The following RBFOX1 variants were observed in gnomAD, a reference collection of about 807,000 sequenced individuals.
RBFOX1 encodes the protein RNA binding fox-1 homolog 1, also known as RNA binding protein fox-1 homolog 1.
Under a neutral mutation model 57.7 loss-of-function variants are expected in RBFOX1, and 8 were observed. The observed-to-expected ratio is 0.14, with a 90% CI of 0.08 to 0.25. The LOEUF (loss-of-function observed/expected upper bound fraction) is 0.25. RBFOX1 is among the 10% of genes least tolerant of loss of function. The probability of loss-of-function intolerance (pLI) is 1.00; values close to 1 mark genes in which losing one functional copy is unlikely to be tolerated. For missense variants in RBFOX1, 611 were observed against 548.5 expected, an observed-to-expected ratio of 1.11 and a Z score of -1.14; for synonymous variants, 326 against 222.4, an observed-to-expected ratio of 1.47 and a Z score of -4.15.
At chr16:5,570,769 G>A (rs2046254138) in intron 2 of RBFOX1, among the ~76,000 whole-genome samples, 1 of 150,796 alleles carries the variant, frequency 6.6e-6, no homozygotes, top group African/African-American at 2.4e-5. Flanking sequence ...GAACCCGGGA[G>A]ATCGAGGTTG....
intron 3 of RBFOX1, among the ~76,000 whole-genome samples, chr16:6,699,534 G>T (rs993796935): frequency 2.0e-5 from 3 of 152,178 alleles, no homozygotes; most frequent in Non-Finnish European, 4.4e-5. Context: ...AACGCTGACT[G>T]GTTGGGCACT....
rs79457428 is a variant in RBFOX1 at position 6,725,963 on chromosome 16, T to G, written c.-16+71313T>G. On this transcript the variant is annotated intron_variant, in intron 3 of 15. Transcript: ENST00000550418. ...GAGGGAAACCAGGAAATCTATTTTT[T>G]ATGTTAAATAATAACACTGGCCCTT... is the stretch of plus-strand genomic sequence containing the variant. 3.5e-3 allele frequency among the ~76,000 whole-genome samples: 527 copies of G among 152,314 alleles called. 10 individuals carry two copies. In the East Asian group the frequency reaches 0.057, roughly 16 times the overall value.
chr16:7,393,255 G>T (rs1182063755), intron 4 of RBFOX1, among the ~76,000 whole-genome samples: 1 of 152,144 alleles, frequency 6.6e-6, no homozygotes, highest in South Asian at 2.1e-4. Flanking sequence ...AAGAGCTATG[G>T]CCCATGCAGG....
chr16:5,985,574 G>C (rs1166223358), intron 4 of RBFOX1, among the ~76,000 whole-genome samples: 1 of 152,196 alleles, frequency 6.6e-6, no homozygotes, highest in Non-Finnish European at 1.5e-5. Flanking sequence ...CAGGCAGCCA[G>C]CTCCAAGGCT....
At chr16:5,432,606 A>C (rs2067786368) in intron 1 of RBFOX1, among the ~76,000 whole-genome samples, 1 of 140,924 alleles carries the variant, frequency 7.1e-6, no homozygotes, top group South Asian at 2.2e-4. Flanking sequence ...TCTAGCAAAA[A>C]TAAATGGGTA....
At chr16:6,278,352 A>G (rs2076042027) in intron 1 of RBFOX1, among the ~76,000 whole-genome samples, 1 of 115,004 alleles carries the variant, frequency 8.7e-6, no homozygotes. Flanking sequence ...TTTCGTCTCC[A>G]ACTGGGGGAA....
At chr16:7,368,114 A>G (rs937675704) in intron 4 of RBFOX1, among the ~76,000 whole-genome samples, 1 of 152,044 alleles carries the variant, frequency 6.6e-6, no homozygotes, top group Admixed American at 6.5e-5. Context: ...TAAAAATACT[A>G]AAATTAGGTG....
chr16:7,506,482 C>A (rs1207829257), intron 4 of RBFOX1, among the ~76,000 whole-genome samples: 1 of 152,032 alleles, frequency 6.6e-6, no homozygotes, highest in Non-Finnish European at 1.5e-5. Context: ...ATGCTTGGTG[C>A]TTAGAACAAT....
intron 3 of RBFOX1, among the ~76,000 whole-genome samples, chr16:5,680,467 CT>C (rs2050298545): frequency 6.6e-6 from 1 of 152,194 alleles, no homozygotes; most frequent in African/African-American, 2.4e-5. Context: ...TGCTCTTCCT[CT>C]TTAAAGACTG....
intron 3 of RBFOX1, among the ~76,000 whole-genome samples, chr16:6,718,264 C>G (rs992912047): frequency 6.6e-6 from 1 of 152,158 alleles, no homozygotes; most frequent in African/African-American, 2.4e-5. Context: ...TATGTTGGCA[C>G]TATTCCACGT....
intron 2 of RBFOX1, among the ~76,000 whole-genome samples, chr16:6,396,354 G>T (rs1190470332): frequency 6.6e-6 from 1 of 152,106 alleles, no homozygotes; most frequent in East Asian, 1.9e-4. Flanking sequence ...ACGAGACTCA[G>T]GAAGGCTACA....
intron 2 of RBFOX1, among the ~76,000 whole-genome samples, chr16:6,651,149 G>A (rs933622943): frequency 2.0e-5 from 3 of 152,212 alleles, no homozygotes; most frequent in East Asian, 1.9e-4. Context: ...TGATCCACCC[G>A]CCTCAGTCTC....
At chr16:6,360,938 T>C (rs913237980) in intron 2 of RBFOX1, among the ~76,000 whole-genome samples, 5 of 150,174 alleles carry the variant, frequency 3.3e-5, no homozygotes, top group Non-Finnish European at 5.9e-5. Flanking sequence ...GGGGTGGTCC[T>C]TTCACATCTT....
intron 4 of RBFOX1, among the ~76,000 whole-genome samples, chr16:5,979,412 G>A (rs1175186361): frequency 2.0e-5 from 3 of 152,214 alleles, no homozygotes; most frequent in Non-Finnish European, 1.5e-5. Flanking sequence ...TATCTCAAGA[G>A]AGGAAACATT....
chr16:7,352,926 C>T (rs977907123), intron 4 of RBFOX1, among the ~76,000 whole-genome samples: 12 of 152,142 alleles, frequency 7.9e-5, no homozygotes, highest in South Asian at 2.1e-4. Context: ...ATGTTGCCTA[C>T]GCTGGTATCG....
chr16:5,282,113 A>G (rs1352227911), intron 1 of RBFOX1, among the ~76,000 whole-genome samples: 1 of 152,096 alleles, frequency 6.6e-6, no homozygotes, highest in African/African-American at 2.4e-5. Context: ...TTGATAGTGA[A>G]TCAGTCTCAT....
chr16:6,657,493 C>T (rs17140849), intron 3 of RBFOX1, among the ~76,000 whole-genome samples: 2,362 of 152,110 alleles, frequency 0.016, 66 homozygotes, highest in African/African-American at 0.053. Context: ...CACAGGGAGC[C>T]ATTGGCTGTG....
chr16:7,315,437 T>G (rs1426545151), intron 4 of RBFOX1, among the ~76,000 whole-genome samples: 1 of 143,926 alleles, frequency 6.9e-6, no homozygotes, highest in African/African-American at 2.7e-5. Context: ...GACAAATGAT[T>G]AAAGCCCTAC....
chr16:5,483,427 C>A (rs960527110), intron 2 of RBFOX1, among the ~76,000 whole-genome samples: 37 of 152,186 alleles, frequency 2.4e-4, no homozygotes, highest in African/African-American at 8.7e-4. Flanking sequence ...CATTTTTTCC[C>A]CATCTGTAAG....
Sources: gnomAD v4.1 joint callset for allele counts (sites outside exome capture counted in the v4.1 genomes callset) on GRCh38, gnomAD v4.1.1 for gene constraint, MANE v1.5 for transcripts, NCBI Gene and HGNC (gene_info 2026-07-23, HGNC 2026-07-21) for gene names.